Variants in CSRNP3 observed in about 807,000 individuals in gnomAD.
The protein encoded by CSRNP3 is cysteine/serine-rich nuclear protein 3.
Under a neutral mutation model 48.0 loss-of-function variants are expected in CSRNP3, and 12 were observed. The ratio of observed to expected loss-of-function variants is 0.25; its 90% CI spans 0.16 to 0.41. The LOEUF is 0.41. Ranked by LOEUF, CSRNP3 falls within the 10% of genes least tolerant of loss-of-function variation. The pLI is 1.00. For synonymous variants in CSRNP3, 263 were observed against 269.7 expected (o/e 0.98, Z 0.24); for missense variants, 580 against 724.4 (o/e 0.80, Z 2.29).
chr2:165,523,190 A>C (rs1017633422), intron 3 of CSRNP3, among the ~76,000 whole-genome samples: 19 of 152,140 alleles, frequency 1.2e-4, no homozygotes, highest in African/African-American at 3.1e-4. Flanking sequence ...CCTTCCTGCT[A>C]TTCAAGGCAA....
At chr2:165,490,368 A>T (rs1443536662) in intron 1 of CSRNP3, among the ~76,000 whole-genome samples, 5 of 145,628 alleles carry the variant, frequency 3.4e-5, no homozygotes, top group African/African-American at 1.3e-4. Flanking sequence ...AAATGGCCAT[A>T]CTGCCCAAGG....
intron 4 of CSRNP3, among the ~76,000 whole-genome samples, chr2:165,639,434 C>G (rs1275911369): frequency 6.6e-6 from 1 of 152,128 alleles, no homozygotes; most frequent in African/African-American, 2.4e-5. Context: ...TAATGAGAAT[C>G]AACTGTTTAT....
chr2:165,678,478 C>T (rs143784737), intron 6 of CSRNP3, among the ~76,000 whole-genome samples: 2 of 152,190 alleles, frequency 1.3e-5, no homozygotes, highest in African/African-American at 2.4e-5. Flanking sequence ...ATGCCCATAA[C>T]CCATTTTTAT....
At chr2:165,490,342 A>T (rs998254718) in intron 1 of CSRNP3, among the ~76,000 whole-genome samples, 1 of 147,910 alleles carries the variant, frequency 6.8e-6, no homozygotes, top group African/African-American at 2.6e-5. Flanking sequence ...ATGGGTAGGA[A>T]GAATCAATAT....
At chr2:165,478,534 A>G (rs1304496088) in intron 1 of CSRNP3, among the ~76,000 whole-genome samples, 8 of 152,186 alleles carry the variant, frequency 5.3e-5, no homozygotes, top group African/African-American at 1.9e-4. Context: ...AAATCTGGAA[A>G]CTACTCCTTT....
intron 1 of CSRNP3, among the ~76,000 whole-genome samples, chr2:165,477,448 G>A (rs1190939165): frequency 3.7e-5 from 5 of 135,370 alleles, no homozygotes; most frequent in Admixed American, 3.1e-4. Context: ...GTGAAATCTC[G>A]TCCCTACTAA....
At chr2:165,528,504 A>T (rs1326935234) in intron 3 of CSRNP3, among the ~76,000 whole-genome samples, 1 of 152,210 alleles carries the variant, frequency 6.6e-6, no homozygotes, top group African/African-American at 2.4e-5. Context: ...TGTAACGAAT[A>T]TGAGATAAAA....
At chr2:165,610,924 G>T (rs1225280687) in intron 4 of CSRNP3, among the ~76,000 whole-genome samples, 1 of 152,180 alleles carries the variant, frequency 6.6e-6, no homozygotes, top group Non-Finnish European at 1.5e-5. Context: ...TTTGCTTGAA[G>T]TCTGTTAGAG....
At chr2:165,493,945 G>A (rs912521260) in intron 1 of CSRNP3, among the ~76,000 whole-genome samples, 6 of 152,144 alleles carry the variant, frequency 3.9e-5, no homozygotes, top group Admixed American at 6.6e-5. Flanking sequence ...CACCTTCACT[G>A]TCTCTCTACA....
chr2:165,556,484 G>A (rs542800447), intron 3 of CSRNP3, among the ~76,000 whole-genome samples: 58 of 152,122 alleles, frequency 3.8e-4, no homozygotes, highest in Non-Finnish European at 5.9e-4. Flanking sequence ...AGGGGAGCAG[G>A]AAGTAGTGGG....
chr2:165,652,719 T>A (rs911855701), intron 4 of CSRNP3, among the ~76,000 whole-genome samples: 3 of 151,810 alleles, frequency 2.0e-5, no homozygotes, highest in Admixed American at 6.6e-5. Flanking sequence ...AGTTTTTGTA[T>A]TTTTGGCAGA....
chr2:165,510,570 C>T (rs1260056922), intron 2 of CSRNP3, among the ~76,000 whole-genome samples: 1 of 152,022 alleles, frequency 6.6e-6, no homozygotes, highest in African/African-American at 2.4e-5. Flanking sequence ...TTCCTCTTTC[C>T]TGGTCCTAAA....
At chr2:165,548,613 A>G (rs190641548) in intron 3 of CSRNP3, among the ~76,000 whole-genome samples, 1 of 152,064 alleles carries the variant, frequency 6.6e-6, no homozygotes, top group African/African-American at 2.4e-5. Flanking sequence ...TATAACATAA[A>G]CACTTCACTA....
At chr2:165,578,970 C>T (rs747508013) in intron 3 of CSRNP3, among the ~76,000 whole-genome samples, 1 of 152,028 alleles carries the variant, frequency 6.6e-6, no homozygotes, top group Admixed American at 6.6e-5. Context: ...TAATATTAGT[C>T]TCTATATCAA....
chr2:165,674,713 T>TATATATAA (rs1491404246), intron 5 of CSRNP3, among the ~76,000 whole-genome samples: 23 of 133,282 alleles, frequency 1.7e-4, no homozygotes, highest in African/African-American at 6.4e-4. Context: ...TATATATATA[T>TATATATAA]AATTTGTTTA....
At chr2:165,503,394 T>C (rs1158014992) in intron 2 of CSRNP3, among the ~76,000 whole-genome samples, 2 of 151,904 alleles carry the variant, frequency 1.3e-5, no homozygotes, top group African/African-American at 4.8e-5. Flanking sequence ...TTGTTTGTGG[T>C]TTTCTTTTTA....
At chr2:165,653,972 C>CCAA (rs1686960098) in intron 4 of CSRNP3, among the ~76,000 whole-genome samples, 1 of 41,204 alleles carries the variant, frequency 2.4e-5, no homozygotes, top group African/African-American at 9.9e-5. Context: ...AGCTCTATCA[C>CCAA]AAAAAAAAAA....
At chr2:165,532,785 T>C (rs1375690956) in intron 3 of CSRNP3, among the ~76,000 whole-genome samples, 6 of 152,254 alleles carry the variant, frequency 3.9e-5, no homozygotes, top group East Asian at 3.9e-4. Flanking sequence ...TGTTTGCAGA[T>C]GACATGATTG....
At chr2:165,667,105 A>C (rs1192307062) in intron 5 of CSRNP3, among the ~76,000 whole-genome samples, 7 of 142,854 alleles carry the variant, frequency 4.9e-5, no homozygotes, top group Admixed American at 2.8e-4. Flanking sequence ...GAGAAAAGGA[A>C]GGAAGGAAGG....
Sources: gnomAD v4.1 joint callset for allele counts (sites outside exome capture counted in the v4.1 genomes callset) on GRCh38, gnomAD v4.1.1 for gene constraint, MANE v1.5 for transcripts, NCBI Gene and HGNC (gene_info 2026-07-23, HGNC 2026-07-21) for gene names.